The following MKLN1 variants were observed in gnomAD, a reference collection of about 807,000 sequenced individuals.
The protein encoded by MKLN1 is muskelin 1.
In MKLN1, 18 loss-of-function variants were observed where a neutral mutation model predicts 99.0. The observed-to-expected ratio is 0.18, with a 90% CI of 0.13 to 0.27. MKLN1 has a LOEUF of 0.27. MKLN1 is among the 10% of genes least tolerant of loss of function. The probability of loss-of-function intolerance (pLI) is 1.00; values close to 1 mark genes in which losing one functional copy is unlikely to be tolerated. For missense variants in MKLN1, 621 were observed against 875.9 expected (o/e 0.71, Z 3.67); for synonymous variants, 288 against 293.2 (o/e 0.98, Z 0.18).
chr7:131,238,039 T>G (rs1004260334), intron 3 of MKLN1, among the ~76,000 whole-genome samples: 1 of 151,814 alleles, frequency 6.6e-6, no homozygotes, highest in African/African-American at 2.4e-5. Flanking sequence ...TCCAGCTACT[T>G]GGGAGGCTGA....
intron 12 of MKLN1, among the ~76,000 whole-genome samples, chr7:131,451,638 T>C (rs1796181058): frequency 6.6e-6 from 1 of 152,192 alleles, no homozygotes; most frequent in African/African-American, 2.4e-5. Flanking sequence ...AAAATTATAA[T>C]TTAAATCAAT....
At chr7:131,366,093 A>G (rs1322278155) in intron 1 of MKLN1, among the ~76,000 whole-genome samples, 1 of 152,208 alleles carries the variant, frequency 6.6e-6, no homozygotes, top group East Asian at 1.9e-4. Context: ...TACAGCTGAA[A>G]GAAATTTGAG....
intron 3 of MKLN1, among the ~76,000 whole-genome samples, chr7:131,203,508 T>A (rs1796761309): frequency 2.0e-5 from 3 of 152,166 alleles, no homozygotes; most frequent in Admixed American, 2.0e-4. Flanking sequence ...CAGCAGCGGC[T>A]GCATCTGCAC....
chr7:131,228,695 G>A (rs1797194476), intron 3 of MKLN1, among the ~76,000 whole-genome samples: 1 of 152,104 alleles, frequency 6.6e-6, no homozygotes, highest in Non-Finnish European at 1.5e-5. Flanking sequence ...TCTCTTGATG[G>A]GAAAACAGTT....
chr7:131,454,270 T>G (rs1037292920), intron 12 of MKLN1, among the ~76,000 whole-genome samples: 1 of 152,218 alleles, frequency 6.6e-6, no homozygotes, highest in African/African-American at 2.4e-5. Flanking sequence ...ATTTGATTTT[T>G]ATTTATTTGA....
At chr7:131,310,603 G>C (rs1249096677) in intron 3 of MKLN1, 1 of 152,214 alleles carries the variant, frequency 6.6e-6, no homozygotes, top group African/African-American at 2.4e-5. Context: ...ACACAGGACA[G>C]AAATCTTGAA....
chr7:131,368,040 A>G (rs1800232654), intron 1 of MKLN1, among the ~76,000 whole-genome samples: 1 of 152,216 alleles, frequency 6.6e-6, no homozygotes, highest in South Asian at 2.1e-4. Context: ...TTTGGAAAGT[A>G]ATACAAGGGA....
intron 6 of MKLN1, among the ~76,000 whole-genome samples, chr7:131,405,251 G>A (rs1183229949): frequency 1.3e-5 from 2 of 151,652 alleles, no homozygotes; most frequent in Non-Finnish European, 1.5e-5. Flanking sequence ...ATCAGCACAT[G>A]TTTATCAAGT....
At chr7:131,311,889 A>G (rs1348481828) in intron 3 of MKLN1, among the ~76,000 whole-genome samples, 4 of 152,256 alleles carry the variant, frequency 2.6e-5, no homozygotes, top group Non-Finnish European at 5.9e-5. Flanking sequence ...ATACTTAAAA[A>G]TCTTATTCAA....
intron 1 of MKLN1, among the ~76,000 whole-genome samples, chr7:131,330,024 G>T (rs995795913): frequency 4.6e-5 from 7 of 152,174 alleles, no homozygotes; most frequent in Non-Finnish European, 7.3e-5. Flanking sequence ...CTTTGAAGGA[G>T]TATAGTTGAG....
intron 2 of MKLN1, among the ~76,000 whole-genome samples, chr7:131,375,839 A>G (rs1255053766): frequency 6.7e-6 from 1 of 150,004 alleles, no homozygotes; most frequent in East Asian, 1.9e-4. Context: ...TTTTATTATA[A>G]TATTATTATA....
At chr7:131,194,716 A>G (rs1796616984) in intron 2 of MKLN1, among the ~76,000 whole-genome samples, 1 of 152,198 alleles carries the variant, frequency 6.6e-6, no homozygotes, top group African/African-American at 2.4e-5. Flanking sequence ...GCTTGATTCA[A>G]ATACTGAATG....
chr7:131,114,879 T>C (rs925102963), intron 1 of MKLN1, among the ~76,000 whole-genome samples: 8 of 151,112 alleles, frequency 5.3e-5, no homozygotes, highest in African/African-American at 2.0e-4. Context: ...GAGGTTGTGA[T>C]GAGCTGAAAT....
chr7:131,131,316 G>T (rs1006730702), intron 1 of MKLN1, among the ~76,000 whole-genome samples: 1 of 152,124 alleles, frequency 6.6e-6, no homozygotes, highest in African/African-American at 2.4e-5. Context: ...GTTCAAGGCT[G>T]CAGTGAGCTA....
intron 14 of MKLN1, among the ~76,000 whole-genome samples, chr7:131,464,765 G>T (rs1404363831): frequency 6.6e-6 from 1 of 152,138 alleles, no homozygotes; most frequent in Non-Finnish European, 1.5e-5. Flanking sequence ...ATATAACATG[G>T]TTTTTGGTTT....
In MKLN1 at chr7:131,494,541, A is replaced by G. The variant is rs1239902807; in HGVS notation, c.*6813A>G. Reference sequence around the variant, plus strand: ...ACTTAGGAGTAGTCTTCCGTGGGGGAAGATAAATTTATTAAAGAGTCATGT... The same window carrying G: ...ACTTAGGAGTAGTCTTCCGTGGGGGGAGATAAATTTATTAAAGAGTCATGT... On this transcript the variant is annotated 3_prime_UTR_variant, in exon 18 of 18. Transcript: ENST00000352689. 1.3e-5 allele frequency: 2 copies of G among 152,160 alleles called. No individual in the cohort carries two copies. The highest frequency in any genetic ancestry group is 1.9e-4 in the East Asian group (1 of 5,202). 9.4% of individuals were successfully genotyped at this position (152,160 alleles called of 1,614,324 possible). A position where few individuals can be genotyped will look rare whatever the true frequency, so the allele number is the denominator to read the frequency against.
At chr7:131,175,235 A>AATGG (rs1341821929) in intron 2 of MKLN1, among the ~76,000 whole-genome samples, 12 of 151,682 alleles carry the variant, frequency 7.9e-5, no homozygotes, top group Admixed American at 3.3e-4. Flanking sequence ...AGAGAGATAG[A>AATGG]ATGGATGGAT....
In MKLN1 at chr7:131,196,797, GC is replaced by G. The variant is rs751896539; in HGVS notation, c.-296-6055del. Among the ~76,000 whole-genome samples the G allele has an allele frequency of 7.2e-5, 11 of 151,914 alleles. No homozygotes were observed. The East Asian group carries it at 9.7e-4, about 13-fold the overall frequency. ...CTCTATACAATTTAGAAGCCCATTG[GC>G]CCCCATTTAAAAAGAAAAGCAACAT... On this transcript the variant is annotated intron_variant, in intron 2 of 7. Transcript: ENST00000416992.
intron 3 of MKLN1, among the ~76,000 whole-genome samples, chr7:131,255,131 C>G (rs1182531290): frequency 6.6e-6 from 1 of 152,058 alleles, no homozygotes; most frequent in Non-Finnish European, 1.5e-5. Flanking sequence ...TTTGTGGAGA[C>G]AGGGTCTCAT....
Sources: allele counts gnomAD v4.1 joint callset (sites outside exome capture counted in the v4.1 genomes callset), GRCh38; gene constraint gnomAD v4.1.1; transcripts MANE v1.5; gene names NCBI Gene and HGNC (gene_info 2026-07-23, HGNC 2026-07-21).